Variants in TBC1D5 observed in about 807,000 individuals in gnomAD.
The protein encoded by TBC1D5 is TBC1 domain family member 5.
A neutral mutation model predicts 100.3 loss-of-function variants in TBC1D5; 75 were observed. The observed-to-expected ratio is 0.75, with a 90% CI of 0.62 to 0.91. The LOEUF (loss-of-function observed/expected upper bound fraction) is 0.91. Among genes scored for constraint, TBC1D5 ranks in the 40% least tolerant of loss-of-function variants. The pLI, the probability that TBC1D5 is intolerant of heterozygous loss-of-function variation, is 0.00. For synonymous variants in TBC1D5, 323 were observed against 325.6 expected, an observed-to-expected ratio of 0.99 and a Z score of 0.09; for missense variants, 910 against 942.4, an observed-to-expected ratio of 0.97 and a Z score of 0.45.
At chr3:17,487,744 A>G (rs2095588508) in intron 3 of TBC1D5, among the ~76,000 whole-genome samples, 2 of 152,192 alleles carry the variant, frequency 1.3e-5, no homozygotes, top group African/African-American at 4.8e-5. Context: ...ATAAAGGGAA[A>G]AGTTATGGTA....
intron 1 of TBC1D5, among the ~76,000 whole-genome samples, chr3:17,710,481 T>C (rs1437019759): frequency 1.3e-5 from 2 of 151,808 alleles, no homozygotes; most frequent in Non-Finnish European, 2.9e-5. Context: ...GAAGAATCAC[T>C]TGAACCCGGG....
chr3:17,167,983 T>C (rs954888019), intron 19 of TBC1D5, among the ~76,000 whole-genome samples, 155 bp from the exon 21 acceptor site: 9 of 152,170 alleles, frequency 5.9e-5, no homozygotes, highest in African/African-American at 1.9e-4. Context: ...ATGGGGAAGC[T>C]GCAGGGTTGA....
At chr3:17,543,059 G>A (rs1157738168) in intron 2 of TBC1D5, among the ~76,000 whole-genome samples, 3 of 151,984 alleles carry the variant, frequency 2.0e-5, no homozygotes, top group African/African-American at 7.2e-5. Flanking sequence ...CTGGGGACTT[G>A]TGAAATAAAT....
intron 13 of TBC1D5, among the ~76,000 whole-genome samples, chr3:17,365,906 C>T (rs1270132194): frequency 6.6e-6 from 1 of 152,166 alleles, no homozygotes; most frequent in South Asian, 2.1e-4. Flanking sequence ...ACTATTTAAT[C>T]TAAATAAGGC....
In TBC1D5 at chr3:17,167,740, T is replaced by C. The variant is rs1184941423; in HGVS notation, c.1932+9A>G. 2.5e-6 allele frequency: 4 copies of C among 1,613,578 alleles called. No homozygotes were observed. Among genetic ancestry groups the C allele is most frequent in the East Asian group, 2.2e-5 (1 of 44,876 alleles). ...ACACAAAGAAATAGTGTCAGAGCAA[T>C]GCACATACCTGTTTTAATCCTGCCA... On this transcript the variant is annotated intron_variant, in intron 20 of 21. Transcript: ENST00000253692.
intron 14 of TBC1D5, 106 bp from the exon 15 acceptor site, chr3:17,292,107 A>G (rs2081819581): frequency 1.1e-6 from 1 of 907,008 alleles, no homozygotes; most frequent in Non-Finnish European, 1.6e-6. Context: ...GCAAACCAAT[A>G]ACTCAACTGA....
At chr3:17,251,546 A>C (rs577841161) in intron 16 of TBC1D5, among the ~76,000 whole-genome samples, 1 of 150,714 alleles carries the variant, frequency 6.6e-6, no homozygotes, top group Non-Finnish European at 1.5e-5. Flanking sequence ...TTTGTGTTGC[A>C]TATCCAAATA....
intron 13 of TBC1D5, among the ~76,000 whole-genome samples, chr3:17,363,964 AT>A (rs72273369): frequency 0.092 from 13,681 of 148,636 alleles, 1,413 homozygotes; most frequent in African/African-American, 0.26. Flanking sequence ...TATTGGACTA[AT>A]TTTTTTTTTT....
At chr3:17,476,695 T>C (rs1464453046) in intron 3 of TBC1D5, among the ~76,000 whole-genome samples, 1 of 151,998 alleles carries the variant, frequency 6.6e-6, no homozygotes, top group Non-Finnish European at 1.5e-5. Context: ...GAAAACCTAA[T>C]AACTCTGTGA....
intron 4 of TBC1D5, among the ~76,000 whole-genome samples, chr3:17,420,123 T>TGAGG (rs2094173552): frequency 6.6e-6 from 1 of 151,998 alleles, no homozygotes. Context: ...CTTTGGGTCT[T>TGAGG]GAGGGTTTAG....
At chr3:17,629,961 C>A (rs190412072) in intron 1 of TBC1D5, among the ~76,000 whole-genome samples, 1 of 152,224 alleles carries the variant, frequency 6.6e-6, no homozygotes, top group Admixed American at 6.5e-5. Flanking sequence ...AAAACTAATA[C>A]ATGAGGGCTA....
At chr3:17,323,567 TGAAAA>T (rs1308071943) in intron 13 of TBC1D5, among the ~76,000 whole-genome samples, 2 of 151,820 alleles carry the variant, frequency 1.3e-5, no homozygotes, top group Non-Finnish European at 2.9e-5. Context: ...AACTAGAAAT[TGAAAA>T]GAAAAGTAAC....
chr3:17,699,114 T>C (rs1276758356), intron 1 of TBC1D5, among the ~76,000 whole-genome samples: 1 of 147,514 alleles, frequency 6.8e-6, no homozygotes, highest in South Asian at 2.2e-4. Context: ...TGCGGCATTA[T>C]TCACAATAGC....
chr3:17,701,862 T>C (rs532811466), intron 1 of TBC1D5, among the ~76,000 whole-genome samples: 18 of 151,748 alleles, frequency 1.2e-4, no homozygotes, highest in African/African-American at 4.1e-4. Context: ...TTTTTTTTTT[T>C]CCTAACTAAG....
At chr3:17,366,324 AAAAC>A (rs1295324922) in intron 13 of TBC1D5, among the ~76,000 whole-genome samples, 2 of 152,006 alleles carry the variant, frequency 1.3e-5, no homozygotes, top group Admixed American at 1.3e-4. Flanking sequence ...AAAAAAACAA[AAAAC>A]AAACAAAAAA....
intron 4 of TBC1D5, among the ~76,000 whole-genome samples, chr3:17,422,818 T>G (rs1215744168): frequency 6.6e-6 from 1 of 152,184 alleles, no homozygotes; most frequent in Non-Finnish European, 1.5e-5. Flanking sequence ...ATTTTTCAAA[T>G]TTATTGATTA....
chr3:17,611,090 A>G (rs902334585), intron 2 of TBC1D5, among the ~76,000 whole-genome samples: 2 of 152,196 alleles, frequency 1.3e-5, no homozygotes, highest in South Asian at 4.1e-4. Context: ...TGAAGTGAAT[A>G]ATGATAATGA....
At chr3:17,732,495 G>T (rs1413781650) in intron 1 of TBC1D5, among the ~76,000 whole-genome samples, 2 of 152,074 alleles carry the variant, frequency 1.3e-5, no homozygotes, top group South Asian at 4.1e-4. Context: ...AAGGCGGATG[G>T]ATCACCTGAG....
At chr3:17,479,730 C>A (rs1177309359) in intron 3 of TBC1D5, among the ~76,000 whole-genome samples, 1 of 152,178 alleles carries the variant, frequency 6.6e-6, no homozygotes, top group Non-Finnish European at 1.5e-5. Context: ...CCTAGCTACT[C>A]AGGAGACGGA....
Sources: gnomAD v4.1 joint callset for allele counts (sites outside exome capture counted in the v4.1 genomes callset) on GRCh38, gnomAD v4.1.1 for gene constraint, MANE v1.5 for transcripts, NCBI Gene and HGNC (gene_info 2026-07-23, HGNC 2026-07-21) for gene names.